Variants in NSUN7 observed in about 807,000 individuals in gnomAD.
NSUN7 encodes the protein NOP2/Sun RNA methyltransferase family member 7.
NSUN7 carries 39 observed loss-of-function variants against 58.5 expected under a neutral mutation model. The ratio of observed to expected loss-of-function variants is 0.67; its 90% CI spans 0.52 to 0.87. The LOEUF (loss-of-function observed/expected upper bound fraction) is 0.87. Ranked by LOEUF, NSUN7 falls within the 40% of genes least tolerant of loss-of-function variation. The pLI is 0.00. For missense variants in NSUN7, 765 were observed against 844.1 expected (o/e 0.91, Z 1.16); for synonymous variants, 278 against 303.7 (o/e 0.92, Z 0.88).
rs1318741464 is a variant in NSUN7, at chr4:40,770,506, CT to C, written c.489-3755del. 4.6e-5 allele frequency among the ~76,000 whole-genome samples: 7 copies of C among 152,274 alleles called. No homozygotes were observed. In the East Asian group the frequency reaches 1.3e-3, roughly 29 times the overall value. ...ATAGCAAAGGTACTACCGTAGTAAA[CT>C]TTTATGGGACCACCATCATAAACAG... On this transcript the variant is annotated intron_variant, in intron 4 of 11. Transcript: ENST00000381782.
intron 9 of NSUN7, among the ~76,000 whole-genome samples, chr4:40,797,821 C>G (rs55738012): frequency 0.18 from 27,753 of 152,152 alleles, 3,039 homozygotes; most frequent in East Asian, 0.35. Flanking sequence ...CCACAAGTCC[C>G]TGTACTATCT....
chr4:40,780,370 G>A (rs944546653), intron 7 of NSUN7, among the ~76,000 whole-genome samples: 1 of 152,132 alleles, frequency 6.6e-6, no homozygotes, highest in Non-Finnish European at 1.5e-5. Context: ...CACTTTGTGA[G>A]GCTGAGGCAG....
Position 40,807,062 on chromosome 4 carries a change from C to A in NSUN7, c.1402C>A (p.Leu468Ile), listed in dbSNP as rs1312105673. The A allele has an allele frequency of 2.4e-5, 38 of 1,551,368 alleles. No homozygotes were observed. The highest frequency in any genetic ancestry group is 3.3e-5 in the Non-Finnish European group (38 of 1,146,802). Reference sequence around the variant, plus strand: ...AATGCTTGTTCCTGTCTGCTGCAGGCTTAGTCCTCCTGTTCTTCCACTGTG... The same window carrying A: ...AATGCTTGTTCCTGTCTGCTGCAGGATTAGTCCTCCTGTTCTTCCACTGTG... Reference protein sequence around the residue: ...DLGNKGQPYRLSPPVLPLCSL... With the variant: ...DLGNKGQPYRISPPVLPLCSL... Residue 468 changes from leucine (L) to isoleucine (I), a missense_variant and splice_region_variant, in exon 11 of 12, where the codon CTT becomes ATT. By Grantham distance (5) the Leu-to-Ile change is conservative. Coordinates refer to ENST00000381782, the MANE Select transcript of NSUN7 (RefSeq NM_024677.6).
intron 10 of NSUN7, among the ~76,000 whole-genome samples, chr4:40,802,994 T>A (rs1342045132): frequency 2.9e-5 from 4 of 139,194 alleles, no homozygotes; most frequent in African/African-American, 1.1e-4. Flanking sequence ...TGTCCATGTG[T>A]TCTCATTGTT....
intron 7 of NSUN7, among the ~76,000 whole-genome samples, chr4:40,789,523 C>A (rs1742983622): frequency 9.4e-6 from 1 of 106,376 alleles, no homozygotes; most frequent in Non-Finnish European, 1.7e-5. Flanking sequence ...AGATTTTATC[C>A]TTTTAGAGAT....
At chr4:40,786,666 G>A (rs1439926056) in intron 7 of NSUN7, 1 of 1,580,780 alleles carries the variant, frequency 6.3e-7, no homozygotes, top group Non-Finnish European at 8.6e-7. Context: ...TACATGATAT[G>A]ATCATTAAAA....
chr4:40,751,117 C>T (rs1740809997), intron 2 of NSUN7, 126 bp downstream of exon 2: 4 of 1,012,056 alleles, frequency 4.0e-6, no homozygotes, highest in Non-Finnish European at 4.3e-6. Flanking sequence ...ATGTGCATAT[C>T]TTTGGTTAAT....
At chr4:40,804,177 C>T (rs1388472858) in intron 10 of NSUN7, among the ~76,000 whole-genome samples, 6 of 152,180 alleles carry the variant, frequency 3.9e-5, no homozygotes, top group African/African-American at 1.2e-4. Context: ...TGGTGGCTCA[C>T]GCCTGTAATC....
At chr4:40,760,592 G>A (rs1458323195) in intron 3 of NSUN7, 100 bp downstream of exon 3, 1 of 928,422 alleles carries the variant, frequency 1.1e-6, no homozygotes, top group African/African-American at 1.7e-5. Context: ...GCCGGGCGCA[G>A]TGGCTCACAC....
chr4:40,783,911 G>A (rs1352603672), intron 7 of NSUN7, among the ~76,000 whole-genome samples: 1 of 150,096 alleles, frequency 6.7e-6, no homozygotes, highest in African/African-American at 2.4e-5. Flanking sequence ...TATCTGAAAA[G>A]GGACTTGTAT....
At position 40,808,312 on chromosome 4, in the gene NSUN7, C is replaced by T. The variant is rs554598129; in HGVS notation, c.1530C>T (p.Asp510=). The change falls in exon 12 of 12, where the codon GAC becomes GAT. Residue 510 remains aspartate, a synonymous_variant. Coordinates refer to ENST00000381782, the MANE Select transcript of NSUN7 (RefSeq NM_024677.6). ...AAATGCTTCTTTAATTGCAGCGGGA[C>T]CCTTCTGAGACAGTGTCTGTGAATG... ...CFLSILTRER[D]PSETVSVNDV... 31 of 1,606,174 alleles carry T rather than the reference C, an allele frequency of 1.9e-5. No individual in the cohort carries two copies. The South Asian group carries it at 3.2e-4, about 17-fold the overall frequency.
rs1255950597 is a variant in NSUN7 at position 40,780,077 on chromosome 4, TCGAGACCAGCC to T, written c.1036+3822_1036+3832del. 7.9e-5 allele frequency among the ~76,000 whole-genome samples: 12 copies of T among 152,208 alleles called. No individual in the cohort carries two copies. In the East Asian group the frequency reaches 2.1e-3, roughly 27 times the overall value. ...AGGAGGATCACCTGCGGCCAGGAGT[TCGAGACCAGCC>T]CGACCAGCATGGTGAAACCCCATCT... On this transcript the variant is annotated intron_variant, in intron 7 of 11. Coordinates refer to ENST00000381782, the MANE Select transcript of NSUN7 (RefSeq NM_024677.6).
intron 7 of NSUN7, among the ~76,000 whole-genome samples, chr4:40,781,083 A>G (rs1019635108): frequency 6.6e-6 from 1 of 151,394 alleles, no homozygotes; most frequent in Non-Finnish European, 1.5e-5. Flanking sequence ...ATATATATAT[A>G]TATGACACAG....
intron 2 of NSUN7, among the ~76,000 whole-genome samples, chr4:40,754,204 A>G (rs576253774): frequency 2.6e-5 from 4 of 151,450 alleles, no homozygotes; most frequent in African/African-American, 9.7e-5. Context: ...AGTGCAGTCA[A>G]TCGCGCAATC....
intron 8 of NSUN7, among the ~76,000 whole-genome samples, chr4:40,792,728 GGCGA>G (rs1743145596): frequency 6.6e-6 from 1 of 150,846 alleles, no homozygotes; most frequent in Non-Finnish European, 1.5e-5. Context: ...CTCCAGCCTG[GGCGA>G]CAGCAAGACT....
intron 10 of NSUN7, among the ~76,000 whole-genome samples, chr4:40,801,355 G>A (rs1323233096): frequency 3.3e-5 from 5 of 152,138 alleles, no homozygotes; most frequent in Admixed American, 1.3e-4. Context: ...TGTGGAGATT[G>A]AATATATTAA....
At chr4:40,805,435 A>G (rs1743772777) in intron 10 of NSUN7, among the ~76,000 whole-genome samples, 1 of 152,158 alleles carries the variant, frequency 6.6e-6, no homozygotes, top group South Asian at 2.1e-4. Context: ...AGTAGCTGTC[A>G]TAGCATCTTG....
chr4:40,807,234 A>C, intron 11 of NSUN7, 50 bp downstream of exon 11: 1 of 1,487,526 alleles, frequency 6.7e-7, no homozygotes, highest in Non-Finnish European at 9.0e-7. Context: ...TTAATAAACT[A>C]CAAAGCCTCA....
At chr4:40,792,640 A>G (rs899920396) in intron 8 of NSUN7, among the ~76,000 whole-genome samples, 1 of 151,884 alleles carries the variant, frequency 6.6e-6, no homozygotes, top group Non-Finnish European at 1.5e-5. Context: ...AGTCCCAGCT[A>G]CTCGGGAGGC....
Sources: allele counts gnomAD v4.1 joint callset (sites outside exome capture counted in the v4.1 genomes callset), GRCh38; gene constraint gnomAD v4.1.1; transcripts MANE v1.5; gene names NCBI Gene and HGNC (gene_info 2026-07-23, HGNC 2026-07-21).